The following NKAIN2 variants were observed in gnomAD, a reference collection of about 807,000 sequenced individuals.
The protein encoded by NKAIN2 is sodium/potassium transporting ATPase interacting 2, also known as sodium/potassium-transporting ATPase subunit beta-1-interacting protein 2.
In NKAIN2, 14 loss-of-function variants were observed where a neutral mutation model predicts 32.6. That is an observed-to-expected ratio of 0.43 (90% confidence interval 0.28 to 0.67). The LOEUF (loss-of-function observed/expected upper bound fraction) is 0.67, where lower values mean the gene tolerates loss of function less well. Ranked by LOEUF, NKAIN2 falls within the 30% of genes least tolerant of loss-of-function variation. NKAIN2 has a pLI of 0.17. For synonymous variants in NKAIN2, 80 were observed against 87.2 expected (o/e 0.92, Z 0.46); for missense variants, 198 against 258.3 (o/e 0.77, Z 1.60).
intron 3 of NKAIN2, among the ~76,000 whole-genome samples, chr6:124,379,117 AGAGGG>A (rs1266845489): frequency 2.6e-4 from 25 of 94,560 alleles, no homozygotes; most frequent in Non-Finnish European, 4.8e-4. Flanking sequence ...AAAGAAGAGG[AGAGGG>A]GAGGGGAGGA....
chr6:124,526,043 A>G (rs2114808660), intron 3 of NKAIN2, among the ~76,000 whole-genome samples: 1 of 152,344 alleles, frequency 6.6e-6, no homozygotes, highest in East Asian at 1.9e-4. Flanking sequence ...CCTGAGAGGT[A>G]AATTTCAATT....
chr6:124,598,493 T>C (rs1011592128), intron 3 of NKAIN2, among the ~76,000 whole-genome samples: 1 of 152,048 alleles, frequency 6.6e-6, no homozygotes. Flanking sequence ...GAGTTAATGG[T>C]AGAACCATGC....
chr6:124,755,199 C>T (rs1365239686), intron 4 of NKAIN2, among the ~76,000 whole-genome samples: 1 of 152,100 alleles, frequency 6.6e-6, no homozygotes, highest in Non-Finnish European at 1.5e-5. Flanking sequence ...GCTGAAGAAC[C>T]TGGAGTCTGA....
chr6:124,298,185 C>G (rs557459236), intron 2 of NKAIN2, among the ~76,000 whole-genome samples: 2 of 152,170 alleles, frequency 1.3e-5, no homozygotes, highest in Admixed American at 1.3e-4. Context: ...AAAAAAATTA[C>G]TGAAATATTT....
At chr6:124,505,315 A>G (rs942300355) in intron 3 of NKAIN2, among the ~76,000 whole-genome samples, 5 of 152,238 alleles carry the variant, frequency 3.3e-5, no homozygotes, top group African/African-American at 1.2e-4. Flanking sequence ...TTGAGGTTCA[A>G]GTGGGCATTT....
At chr6:123,984,020 G>T (rs1779023239) in intron 1 of NKAIN2, among the ~76,000 whole-genome samples, 1 of 152,038 alleles carries the variant, frequency 6.6e-6, no homozygotes, top group African/African-American at 2.4e-5. Context: ...CGGTTCTCCT[G>T]CCTCAGCCTC....
intron 1 of NKAIN2, among the ~76,000 whole-genome samples, chr6:123,901,921 A>C (rs2114418136): frequency 6.6e-6 from 1 of 152,280 alleles, no homozygotes; most frequent in African/African-American, 2.4e-5. Context: ...AAGACTTAAA[A>C]AAAAATGAGG....
intron 3 of NKAIN2, among the ~76,000 whole-genome samples, chr6:124,484,868 T>C (rs1439244100): frequency 6.6e-6 from 1 of 152,072 alleles, no homozygotes; most frequent in Non-Finnish European, 1.5e-5. Context: ...TTAGCATAAA[T>C]GCCTGCTATT....
chr6:124,560,971 C>T (rs1347518204), intron 3 of NKAIN2, among the ~76,000 whole-genome samples: 4 of 152,084 alleles, frequency 2.6e-5, no homozygotes, highest in Non-Finnish European at 5.9e-5. Context: ...CTAGTGAAGC[C>T]CAGCAATCTT....
chr6:124,616,408 TTTTTTTC>T (rs1290119979), intron 3 of NKAIN2, among the ~76,000 whole-genome samples: 7 of 146,714 alleles, frequency 4.8e-5, no homozygotes, highest in African/African-American at 1.3e-4. Context: ...GTTCTTATTA[TTTTTTTC>T]TTTTTTCTTT....
At chr6:124,201,278 A>C (rs962830205) in intron 1 of NKAIN2, among the ~76,000 whole-genome samples, 3 of 152,042 alleles carry the variant, frequency 2.0e-5, no homozygotes, top group African/African-American at 7.2e-5. Context: ...TTAAGTGTAC[A>C]TAGAAACATA....
At chr6:124,741,090 T>C (rs6934976) in intron 4 of NKAIN2, among the ~76,000 whole-genome samples, 2,196 of 151,724 alleles carry the variant, frequency 0.014, 44 homozygotes, top group African/African-American at 0.049. Context: ...AACTCACAAA[T>C]GGACAATAGG....
At chr6:124,719,738 AAT>A (rs1485003192) in intron 4 of NKAIN2, among the ~76,000 whole-genome samples, 2 of 152,078 alleles carry the variant, frequency 1.3e-5, no homozygotes, top group African/African-American at 2.4e-5. Context: ...AAAAAAAAAA[AAT>A]AGGAAAGTTT....
chr6:123,955,083 A>C (rs1190514255), intron 1 of NKAIN2, among the ~76,000 whole-genome samples: 1 of 151,950 alleles, frequency 6.6e-6, no homozygotes, highest in Non-Finnish European at 1.5e-5. Context: ...GATTAAATAT[A>C]CCAATATTTA....
chr6:124,154,965 A>G (rs971290977), intron 1 of NKAIN2, among the ~76,000 whole-genome samples: 3 of 152,234 alleles, frequency 2.0e-5, no homozygotes, highest in Non-Finnish European at 2.9e-5. Context: ...TCAATGTACA[A>G]TACCTTGCCA....
At chr6:123,938,634 T>G (rs948025211) in intron 1 of NKAIN2, among the ~76,000 whole-genome samples, 1 of 139,674 alleles carries the variant, frequency 7.2e-6, no homozygotes, top group Non-Finnish European at 1.5e-5. Context: ...ATTTTATATA[T>G]TATATATAAT....
rs572198510 is a variant in NKAIN2, at chr6:124,731,711, T to A, written c.475-59628T>A. Among the ~76,000 whole-genome samples the A allele has an allele frequency of 2.5e-4, 36 of 145,772 alleles. No individual in the cohort carries two copies. The East Asian group carries it at 5.2e-3, about 21-fold the overall frequency. On this transcript the variant is annotated intron_variant, in intron 4 of 6. Transcript: ENST00000368417. Reference sequence around the variant, plus strand: ...GTACCCTAAAACTTAAGGTATAATTTAAAAAAAAAAAGAATGTGGAAGTTT... The same window carrying A: ...GTACCCTAAAACTTAAGGTATAATTAAAAAAAAAAAAGAATGTGGAAGTTT...
chr6:124,525,422 C>T (rs1315275048), intron 3 of NKAIN2, among the ~76,000 whole-genome samples: 2 of 152,000 alleles, frequency 1.3e-5, no homozygotes, highest in Non-Finnish European at 2.9e-5. Flanking sequence ...GTAATGAAGA[C>T]AGCAAGACTA....
chr6:124,684,995 A>G (rs926334990), intron 4 of NKAIN2, among the ~76,000 whole-genome samples: 7 of 152,210 alleles, frequency 4.6e-5, no homozygotes, highest in Non-Finnish European at 7.3e-5. Context: ...TCATATTGAT[A>G]AAGTCTTCCC....
Sources: allele counts gnomAD v4.1 joint callset (sites outside exome capture counted in the v4.1 genomes callset), GRCh38; gene constraint gnomAD v4.1.1; transcripts MANE v1.5; gene names NCBI Gene and HGNC (gene_info 2026-07-23, HGNC 2026-07-21).